The following SRC variants were observed in gnomAD, a reference collection of about 807,000 sequenced individuals.
SRC encodes the protein SRC proto-oncogene, non-receptor tyrosine kinase, also known as proto-oncogene tyrosine-protein kinase Src.
Under a neutral mutation model 62.9 loss-of-function variants are expected in SRC, and 13 were observed. That is an observed-to-expected ratio of 0.21 (90% CI 0.13 to 0.33). The LOEUF (loss-of-function observed/expected upper bound fraction) is 0.33, where lower values mean the gene tolerates loss of function less well. Ranked by LOEUF, SRC falls within the 10% of genes least tolerant of loss-of-function variation. SRC has a pLI of 1.00. For synonymous variants in SRC, 302 were observed against 317.5 expected, an observed-to-expected ratio of 0.95 and a Z score of 0.52; for missense variants, 457 against 737.3, an observed-to-expected ratio of 0.62 and a Z score of 4.40.
At position 37,384,670 on chromosome 20, in the gene SRC, A is replaced by G. The variant is rs1185023696; in HGVS notation, c.250+267A>G. On this transcript the variant is annotated intron_variant, in intron 4 of 13. Coordinates refer to ENST00000373578, the MANE Select transcript of SRC (RefSeq NM_198291.3). The surrounding 1 kb of genome is among the most constrained non-coding windows in gnomAD (Gnocchi z 6.7). ...TTCTAATTGGACGCTTAAGCCCAAG[A>G]AGAAGAAGGGCGGCGCGGGACCGGG... Among the ~76,000 whole-genome samples, 1 of 152 alleles carries G rather than the reference A, an allele frequency of 6.6e-3. No homozygotes were observed. Among genetic ancestry groups the G allele is most frequent in the Non-Finnish European group, 0.014 (1 of 74 alleles). The allele number at this position is 152 out of a possible 152,430, so 0.1% of individuals were successfully genotyped here.
Position 37,402,778 on chromosome 20 carries a change from C to G in SRC, c.1300C>G (p.Pro434Ala), listed in dbSNP as rs1200637641. 1 of 1,613,432 alleles carries G rather than the reference C, an allele frequency of 6.2e-7. No homozygotes were observed. Among genetic ancestry groups the G allele is most frequent in the Non-Finnish European group, 8.5e-7 (1 of 1,179,756 alleles). ...CAAATTCCCCATCAAGTGGACGGCT[C>G]CAGAAGCTGCCCTCTATGGCCGCTT... ...GAKFPIKWTAPEAALYGRFTI... is the reference protein window; with the variant it reads ...GAKFPIKWTAAEAALYGRFTI... Residue 434 changes from proline to alanine, a missense_variant, in exon 13 of 14, where the codon CCA becomes GCA. Physicochemically the swap from Pro to Ala is conservative, Grantham distance 27. Around this residue, in one of 4 missense-constraint regions of SRC, gnomAD observed 168 missense variants for 357.8 expected, o/e 0.47. Transcript: ENST00000373578. This position sits in a 1 kb window ranked among gnomAD's most constrained non-coding sequence, Gnocchi z 6.2.
intron 1 of SRC, among the ~76,000 whole-genome samples, chr20:37,350,559 C>T (rs537207758): frequency 4.9e-4 from 74 of 152,330 alleles, no homozygotes; most frequent in African/African-American, 1.7e-3. Context: ...TTCAAGGCCT[C>T]ATTCCCTGCT....
At chr20:37,349,063 T>A (rs969018847) in intron 1 of SRC, among the ~76,000 whole-genome samples, 1 of 151,252 alleles carries the variant, frequency 6.6e-6, no homozygotes, top group Non-Finnish European at 1.5e-5. Context: ...TGGGGAGGAG[T>A]TTGGCCTTCA....
chr20:37,355,677 C>A (rs2069871870), intron 1 of SRC, among the ~76,000 whole-genome samples: 1 of 152,118 alleles, frequency 6.6e-6, no homozygotes, highest in African/African-American at 2.4e-5. Flanking sequence ...CTATGGCAAC[C>A]CAGCACAATG....
At chr20:37,390,866 A>G (rs1304570733) in intron 5 of SRC, among the ~76,000 whole-genome samples, 1 of 151,964 alleles carries the variant, frequency 6.6e-6, no homozygotes, top group Admixed American at 6.6e-5. Context: ...ATTCCCTCAG[A>G]CCCCTCTAAA....
chr20:37,391,100 C>T (rs2070540328), intron 5 of SRC, among the ~76,000 whole-genome samples: 1 of 152,228 alleles, frequency 6.6e-6, no homozygotes, highest in Non-Finnish European at 1.5e-5. Context: ...CCTCCGAGCA[C>T]AGGCCTCCTG....
chr20:37,348,788 G>A (rs1478314169), intron 1 of SRC, among the ~76,000 whole-genome samples: 3 of 152,184 alleles, frequency 2.0e-5, no homozygotes, highest in Non-Finnish European at 4.4e-5. Context: ...GATATGATAA[G>A]GACTCAGGGA....
chr20:37,346,792 G>C (rs1316005323), intron 1 of SRC, among the ~76,000 whole-genome samples: 1 of 152,212 alleles, frequency 6.6e-6, no homozygotes, highest in Non-Finnish European at 1.5e-5. Flanking sequence ...CGGCCTGGAA[G>C]GGACTGGGCC....
chr20:37,383,955 C>CA (rs1277320544), intron 3 of SRC, among the ~76,000 whole-genome samples, 195 bp from the exon 4 acceptor site: 3 of 151,574 alleles, frequency 2.0e-5, no homozygotes, highest in Non-Finnish European at 4.4e-5. Flanking sequence ...CGGCAGGTCT[C>CA]AAACTCCTGA....
chr20:37,393,940 A>C lies in SRC; in HGVS notation c.396A>C (p.Thr132=), dbSNP rs758455981. The C allele has an allele frequency of 1.4e-5, 23 of 1,613,996 alleles. No individual in the cohort carries two copies. The East Asian group carries it at 5.1e-4, about 36-fold the overall frequency. ...WLAHSLSTGQ[T]GYIPSNYVAP... ...CCCACTCGCTCAGCACAGGACAGAC[A>C]GGCTACATCCCCAGCAACTACGTGG... The change falls in exon 6 of 14, where the codon ACA becomes ACC. Residue 132 remains threonine, a synonymous_variant. Coordinates refer to ENST00000373578, the MANE Select transcript of SRC (RefSeq NM_198291.3).
intron 5 of SRC, among the ~76,000 whole-genome samples, chr20:37,389,918 G>T (rs533427776): frequency 6.6e-6 from 1 of 152,140 alleles, no homozygotes; most frequent in East Asian, 1.9e-4. Context: ...GACCAGGCCC[G>T]GGGGAAGGTG....
At chr20:37,399,557 T>G (rs888932495) in intron 9 of SRC, among the ~76,000 whole-genome samples, 1 of 152,036 alleles carries the variant, frequency 6.6e-6, no homozygotes, top group Non-Finnish European at 1.5e-5. Context: ...ACTTTTTTTT[T>G]TTTTTTAGAC....
rs1050980880 is a variant in SRC, at chr20:37,394,401, A to T, written c.553+124A>T. The T allele has an allele frequency of 1.3e-5, 10 of 778,844 alleles. No individual in the cohort carries two copies. The African/African-American group carries it at 1.5e-4, about 12-fold the overall frequency. 48.2% of individuals were successfully genotyped at this position (778,844 alleles called of 1,614,324 possible). A position where few individuals can be genotyped will look rare whatever the true frequency, so the allele number is the denominator to read the frequency against. Reference sequence around the variant, plus strand: ...AGGGAAGAACCTTCCGGGTGGAGGTAATGGCAGGATCAAAGTCAGGGAGGT... The same window carrying T: ...AGGGAAGAACCTTCCGGGTGGAGGTTATGGCAGGATCAAAGTCAGGGAGGT... On this transcript the variant is annotated intron_variant, in intron 7 of 13. Coordinates refer to ENST00000373578, the MANE Select transcript of SRC (RefSeq NM_198291.3).
chr20:37,404,949 C>G lies in SRC; in HGVS notation c.*1570C>G, dbSNP rs1051740461. On this transcript the variant is annotated 3_prime_UTR_variant, in exon 14 of 14. Transcript: ENST00000373578. ...ATTTAACATGTAAAAATGTCCCCCC[C>G]GCTCCGTCCCCCAAACATGTTGTAC... 2 of 227,914 alleles carry G rather than the reference C, an allele frequency of 8.8e-6. No homozygotes were observed. The highest frequency in any genetic ancestry group is 1.7e-5 in the Non-Finnish European group (2 of 116,744). The allele number at this position is 227,914 out of a possible 1,614,324, so 14.1% of individuals were successfully genotyped here.
At chr20:37,388,319 G>A (rs1429279898) in intron 5 of SRC, among the ~76,000 whole-genome samples, 2 of 152,258 alleles carry the variant, frequency 1.3e-5, no homozygotes, top group Non-Finnish European at 2.9e-5. Context: ...CAGGAGGCTG[G>A]GGCTGCCAGG....
rs2070295436 is a variant in SRC at position 37,377,500 on chromosome 20, G to T, written c.-172-5119G>T. 1.3e-5 allele frequency among the ~76,000 whole-genome samples: 2 copies of T among 152,244 alleles called. 1 individual carries two copies. On this transcript the variant is annotated intron_variant, in intron 2 of 13. Coordinates refer to ENST00000373578, the MANE Select transcript of SRC (RefSeq NM_198291.3). ...GGGGCTGGTGTGTGGTGGCTGAACA[G>T]CAGTGTGACCTGAGCATCTGTGAGC...
At chr20:37,401,553 C>G (rs1447472388) in intron 10 of SRC, 49 bp from the exon 11 acceptor site, 1 of 1,488,522 alleles carries the variant, frequency 6.7e-7, no homozygotes, top group East Asian at 2.4e-5. Context: ...TCACTGCATC[C>G]TGGCAGAGGG....
intron 3 of SRC, among the ~76,000 whole-genome samples, chr20:37,383,234 CTT>C (rs2070391102): frequency 6.6e-6 from 1 of 152,166 alleles, no homozygotes; most frequent in Admixed American, 6.5e-5. Flanking sequence ...AAGGAGGGGA[CTT>C]TTGAGTTGAG....
rs553093307 is a variant in SRC, at chr20:37,404,587, C to T, written c.*1208C>T. 9 of 233,614 alleles carry T rather than the reference C, an allele frequency of 3.9e-5. No homozygotes were observed. The highest frequency in any genetic ancestry group is 3.6e-4 in the South Asian group (2 of 5,536). 14.5% of individuals were successfully genotyped at this position (233,614 alleles called of 1,614,324 possible). On this transcript the variant is annotated 3_prime_UTR_variant, in exon 14 of 14. Transcript: ENST00000373578. ...GTGCCTAAGCGGGGGTGAAAGAGGACGTGTTACCCACTGCCATGCACCAGG... is the reference window on the plus strand; with the variant it reads ...GTGCCTAAGCGGGGGTGAAAGAGGATGTGTTACCCACTGCCATGCACCAGG...
Sources: gnomAD v4.1 joint callset for allele counts (sites outside exome capture counted in the v4.1 genomes callset) on GRCh38, gnomAD v4.1.1 for gene constraint, gnomAD v4.1.1 regional missense constraint, Gnocchi (gnomAD v3.1) non-coding constraint, MANE v1.5 for transcripts, NCBI Gene and HGNC (gene_info 2026-07-23, HGNC 2026-07-21) for gene names.